MACROD2: variants seen among roughly 807,000 people sequenced by gnomAD.
MACROD2 encodes the protein mono-ADP ribosylhydrolase 2, also known as ADP-ribose glycohydrolase MACROD2.
Under a neutral mutation model 70.4 loss-of-function variants are expected in MACROD2, and 36 were observed. The observed-to-expected ratio is 0.51, with a 90% CI of 0.39 to 0.68. The LOEUF (loss-of-function observed/expected upper bound fraction) is 0.68, where lower values mean the gene tolerates loss of function less well. Ranked by LOEUF, MACROD2 falls within the 30% of genes least tolerant of loss-of-function variation. The probability of loss-of-function intolerance (pLI) is 0.00; values close to 1 mark genes in which losing one functional copy is unlikely to be tolerated. For missense variants in MACROD2, 496 were observed against 538.4 expected, an observed-to-expected ratio of 0.92 and a Z score of 0.78; for synonymous variants, 172 against 178.8, an observed-to-expected ratio of 0.96 and a Z score of 0.30.
intron 10 of MACROD2, chr20:15,893,000 C>G (rs928241346): frequency 7.5e-6 from 3 of 398,938 alleles, no homozygotes; most frequent in African/African-American, 6.2e-5. Context: ...GTTCGAAAGA[C>G]TCTAGCGAGG....
intron 6 of MACROD2, among the ~76,000 whole-genome samples, chr20:15,297,478 G>T (rs1447963122): frequency 6.6e-6 from 1 of 152,152 alleles, no homozygotes; most frequent in Non-Finnish European, 1.5e-5. Context: ...GGCCATACTG[G>T]AATGATTTGG....
chr20:14,369,964 A>T (rs935248049), intron 3 of MACROD2, among the ~76,000 whole-genome samples: 2 of 152,228 alleles, frequency 1.3e-5, no homozygotes, highest in African/African-American at 4.8e-5. Flanking sequence ...TTATTGGCAA[A>T]GGCAGGAATT....
chr20:14,210,595 T>C (rs2081562674), intron 3 of MACROD2, among the ~76,000 whole-genome samples: 1 of 152,196 alleles, frequency 6.6e-6, no homozygotes, highest in African/African-American at 2.4e-5. Context: ...GTTTTCCTGG[T>C]GGTTTTTGGT....
At chr20:15,860,830 G>C (rs2064415088) in intron 8 of MACROD2, among the ~76,000 whole-genome samples, 1 of 152,052 alleles carries the variant, frequency 6.6e-6, no homozygotes, top group Non-Finnish European at 1.5e-5. Context: ...TTAAATTTTT[G>C]GAATGTTTTT....
At chr20:14,228,005 G>C (rs1235141541) in intron 3 of MACROD2, among the ~76,000 whole-genome samples, 1 of 152,094 alleles carries the variant, frequency 6.6e-6, no homozygotes, top group Admixed American at 6.5e-5. Flanking sequence ...AATTGGGCAA[G>C]ATAATAGTAT....
chr20:14,960,647 C>T (rs2074575213), intron 5 of MACROD2, among the ~76,000 whole-genome samples: 3 of 152,174 alleles, frequency 2.0e-5, no homozygotes, highest in South Asian at 4.1e-4. Flanking sequence ...TTTTAAAATC[C>T]TGTCATTATC....
chr20:14,039,984 T>C (rs1399974363), intron 2 of MACROD2, among the ~76,000 whole-genome samples: 2 of 152,164 alleles, frequency 1.3e-5, no homozygotes, highest in Non-Finnish European at 2.9e-5. Flanking sequence ...CAGATGGAAA[T>C]TGTGGCACAA....
intron 8 of MACROD2, among the ~76,000 whole-genome samples, chr20:15,579,100 T>C (rs1460698186): frequency 6.6e-6 from 1 of 152,220 alleles, no homozygotes; most frequent in Non-Finnish European, 1.5e-5. Context: ...CATATTTAAG[T>C]TGGAAGCAGA....
intron 8 of MACROD2, among the ~76,000 whole-genome samples, chr20:15,684,883 C>T (rs1245543269): frequency 1.3e-5 from 2 of 151,922 alleles, no homozygotes; most frequent in Non-Finnish European, 2.9e-5. Context: ...TATTTTGATG[C>T]GAAAGGATGA....
intron 5 of MACROD2, among the ~76,000 whole-genome samples, chr20:15,219,743 G>A (rs957093080): frequency 6.6e-6 from 1 of 152,042 alleles, no homozygotes; most frequent in African/African-American, 2.4e-5. Flanking sequence ...GTGGAGAGGT[G>A]GATTCATTAT....
chr20:15,115,128 T>C (rs1459442172), intron 5 of MACROD2, among the ~76,000 whole-genome samples: 7 of 152,174 alleles, frequency 4.6e-5, no homozygotes, highest in Admixed American at 6.6e-5. Flanking sequence ...CAGAATCTAT[T>C]CTATTTGTTG....
intron 3 of MACROD2, among the ~76,000 whole-genome samples, chr20:14,231,168 AG>A (rs1392414200): frequency 6.6e-6 from 1 of 150,888 alleles, no homozygotes; most frequent in Non-Finnish European, 1.5e-5. Context: ...TTTAAGTTTT[AG>A]GGTACATGTG....
intron 5 of MACROD2, among the ~76,000 whole-genome samples, chr20:15,003,555 T>C (rs1208623939): frequency 1.3e-5 from 2 of 152,224 alleles, no homozygotes; most frequent in African/African-American, 4.8e-5. Context: ...GCATAAATTA[T>C]ATCATTGAGA....
At chr20:15,619,551 G>T in intron 8 of MACROD2, 1 of 421,022 alleles carries the variant, frequency 2.4e-6, no homozygotes, top group Non-Finnish European at 4.2e-6. Flanking sequence ...GTGTGGTGGG[G>T]ATGTGGTCAC....
chr20:15,690,305 G>A (rs546610962), intron 8 of MACROD2, among the ~76,000 whole-genome samples: 16 of 152,276 alleles, frequency 1.1e-4, no homozygotes, highest in African/African-American at 3.9e-4. Flanking sequence ...GATGGCAAGG[G>A]ACAAAAGGAA....
At chr20:15,495,849 A>G (rs1040375400) in intron 7 of MACROD2, among the ~76,000 whole-genome samples, 1 of 152,252 alleles carries the variant, frequency 6.6e-6, no homozygotes, top group East Asian at 1.9e-4. Context: ...TCAGTGTCAG[A>G]GAAGCCTTTC....
intron 4 of MACROD2, among the ~76,000 whole-genome samples, chr20:14,590,714 G>A (rs1474461364): frequency 1.3e-5 from 2 of 152,140 alleles, no homozygotes; most frequent in East Asian, 3.9e-4. Flanking sequence ...CAACATAAAA[G>A]AAAATATTTC....
At chr20:15,181,148 C>T (rs896525046) in intron 5 of MACROD2, among the ~76,000 whole-genome samples, 6 of 152,188 alleles carry the variant, frequency 3.9e-5, no homozygotes, top group African/African-American at 1.4e-4. Context: ...ATTCAGCTCT[C>T]CATATCTACA....
At chr20:14,943,463 A>G (rs2122713070) in intron 5 of MACROD2, among the ~76,000 whole-genome samples, 1 of 151,802 alleles carries the variant, frequency 6.6e-6, no homozygotes, top group African/African-American at 2.4e-5. Flanking sequence ...TGCTATTTTT[A>G]CTTTAAAGTT....
Sources: allele counts gnomAD v4.1 joint callset (sites outside exome capture counted in the v4.1 genomes callset), GRCh38; gene constraint gnomAD v4.1.1; transcripts MANE v1.5; gene names NCBI Gene and HGNC (gene_info 2026-07-23, HGNC 2026-07-21).